The following LRRC3B variants were observed in gnomAD, a reference collection of about 807,000 sequenced individuals.
LRRC3B encodes leucine-rich repeat-containing protein 3B.
In LRRC3B, 2 loss-of-function variants were observed where a neutral mutation model predicts 12.8. The ratio of observed to expected loss-of-function variants is 0.16; its 90% confidence interval spans 0.06 to 0.49. LRRC3B has a LOEUF of 0.49. LRRC3B is among the 20% of genes least tolerant of loss of function. The pLI, the probability that LRRC3B is intolerant of heterozygous loss-of-function variation, is 0.96. For synonymous variants in LRRC3B, 132 were observed against 122.0 expected (o/e 1.08, Z -0.54); for missense variants, 189 against 319.4 (o/e 0.59, Z 3.11).
intron 1 of LRRC3B, among the ~76,000 whole-genome samples, chr3:26,666,007 T>C (rs1379802319): frequency 6.6e-6 from 1 of 152,198 alleles, no homozygotes; most frequent in African/African-American, 2.4e-5. Flanking sequence ...CTATATCCCA[T>C]CTTCATTAAT....
intron 1 of LRRC3B, among the ~76,000 whole-genome samples, chr3:26,638,931 G>T (rs773359246): frequency 6.6e-5 from 10 of 152,190 alleles, no homozygotes; most frequent in Non-Finnish European, 1.3e-4. Flanking sequence ...GGGCTCATCA[G>T]CTACCCTGAA....
intron 1 of LRRC3B, among the ~76,000 whole-genome samples, chr3:26,682,666 T>G (rs1419315692): frequency 6.6e-6 from 1 of 152,146 alleles, no homozygotes; most frequent in Non-Finnish European, 1.5e-5. Context: ...CTCCTTTTGG[T>G]GGGGCTGTCA....
chr3:26,654,125 T>C (rs1229536279), intron 1 of LRRC3B, among the ~76,000 whole-genome samples: 3 of 152,214 alleles, frequency 2.0e-5, no homozygotes, highest in Non-Finnish European at 4.4e-5. Flanking sequence ...TGATTTAAAA[T>C]CTGTCAGAGA....
intron 1 of LRRC3B, among the ~76,000 whole-genome samples, chr3:26,661,656 C>T (rs753582964): frequency 6.6e-6 from 1 of 152,022 alleles, no homozygotes; most frequent in Admixed American, 6.6e-5. Context: ...TTATGTCTTC[C>T]CCATTCTTTC....
chr3:26,644,084 AAAAC>A (rs1156875991), intron 1 of LRRC3B, among the ~76,000 whole-genome samples: 15 of 152,254 alleles, frequency 9.9e-5, no homozygotes, highest in Admixed American at 9.8e-4. Flanking sequence ...TTAGAAAAAT[AAAAC>A]AAGCATAACA....
intron 1 of LRRC3B, among the ~76,000 whole-genome samples, chr3:26,703,204 C>G (rs1271951553): frequency 2.6e-5 from 4 of 152,108 alleles, no homozygotes; most frequent in African/African-American, 9.7e-5. Context: ...GCAACCCACA[C>G]TTATTTTATG....
intron 1 of LRRC3B, among the ~76,000 whole-genome samples, chr3:26,676,975 T>C (rs1699872995): frequency 6.6e-6 from 1 of 150,900 alleles, no homozygotes; most frequent in Non-Finnish European, 1.5e-5. Context: ...ACTTCCAAAA[T>C]CACAATATAA....
chr3:26,706,665 G>A (rs1287430452), intron 1 of LRRC3B, among the ~76,000 whole-genome samples: 1 of 152,114 alleles, frequency 6.6e-6, no homozygotes, highest in African/African-American at 2.4e-5. Flanking sequence ...TTTCTTATAT[G>A]TGACCATGAC....
rs980604211 is a variant in LRRC3B, at chr3:26,693,943, A to G, written c.-160-15570A>G. 4.6e-5 allele frequency among the ~76,000 whole-genome samples: 7 copies of G among 152,324 alleles called. No homozygotes were observed. In the South Asian group the frequency reaches 1.2e-3, roughly 27 times the overall value. On this transcript the variant is annotated intron_variant, in intron 1 of 1. Coordinates refer to ENST00000396641, the Ensembl canonical transcript of LRRC3B. ...AAGTATGTCTAGTTTAAGTCCAGGG[A>G]CATTTCTTTAATAAAACAAAAAATA...
chr3:26,708,017 CA>C (rs562734763), intron 1 of LRRC3B, among the ~76,000 whole-genome samples: 24 of 152,326 alleles, frequency 1.6e-4, no homozygotes, highest in Non-Finnish European at 2.8e-4. Context: ...CCATGATTAA[CA>C]ATCCAGATCA....
rs141290586 is a variant in LRRC3B at position 26,685,964 on chromosome 3, A to G, written c.-160-23549A>G. Among the ~76,000 whole-genome samples, 767 of 152,262 alleles carry G rather than the reference A, an allele frequency of 5.0e-3. 33 individuals carry two copies. Among genetic ancestry groups the G allele is most frequent in the Admixed American group, 0.043 (661 of 15,282 alleles). ...GCAGTAGCTACCTCAGATAGGAAATACCAAGTTCTTAGGCTTAGTTAAAAA... is the reference window on the plus strand; with the variant it reads ...GCAGTAGCTACCTCAGATAGGAAATGCCAAGTTCTTAGGCTTAGTTAAAAA... On this transcript the variant is annotated intron_variant, in intron 1 of 1. Transcript: ENST00000396641.
intron 1 of LRRC3B, among the ~76,000 whole-genome samples, chr3:26,669,786 G>A (rs1440649749): frequency 1.3e-5 from 2 of 152,256 alleles, no homozygotes; most frequent in East Asian, 3.9e-4. Flanking sequence ...ATTTCCATAA[G>A]TGGCATGTGC....
At chr3:26,652,271 T>C (rs750294054) in intron 1 of LRRC3B, among the ~76,000 whole-genome samples, 1 of 152,234 alleles carries the variant, frequency 6.6e-6, no homozygotes, top group African/African-American at 2.4e-5. Context: ...TCCCTGAGAC[T>C]GGGAGGGAAG....
At chr3:26,651,381 G>A (rs1369970031) in intron 1 of LRRC3B, among the ~76,000 whole-genome samples, 1 of 152,062 alleles carries the variant, frequency 6.6e-6, no homozygotes, top group Non-Finnish European at 1.5e-5. Flanking sequence ...ACCACAGTTT[G>A]TTTTTCTTCC....
intron 1 of LRRC3B, among the ~76,000 whole-genome samples, chr3:26,660,434 G>A (rs955334863): frequency 1.3e-5 from 2 of 152,016 alleles, no homozygotes; most frequent in Admixed American, 6.6e-5. Context: ...ATTATCAAAT[G>A]CAAACTAGAA....
At chr3:26,708,272 A>AC (rs1233666138) in intron 1 of LRRC3B, among the ~76,000 whole-genome samples, 3 of 152,196 alleles carry the variant, frequency 2.0e-5, no homozygotes, top group Non-Finnish European at 2.9e-5. Flanking sequence ...ATGCAGAGGG[A>AC]CCCCTCACTT....
chr3:26,667,731 CT>C (rs1699636880), intron 1 of LRRC3B, among the ~76,000 whole-genome samples: 1 of 152,122 alleles, frequency 6.6e-6, no homozygotes, highest in Non-Finnish European at 1.5e-5. Flanking sequence ...CACATGGGAA[CT>C]TACTAAAAGA....
At position 26,668,031 on chromosome 3, in the gene LRRC3B, G is replaced by A. The variant is rs944165195; in HGVS notation, c.-160-41482G>A. Among the ~76,000 whole-genome samples the A allele has an allele frequency of 5.9e-5, 9 of 152,112 alleles. No homozygotes were observed. In the East Asian group the frequency reaches 1.2e-3, roughly 20 times the overall value. On this transcript the variant is annotated intron_variant, in intron 1 of 1. Coordinates refer to ENST00000396641, the Ensembl canonical transcript of LRRC3B. ...TGCCATTAATTTTTGCATAAGTAAT[G>A]TTTTGGACATATAATTTTCAGAGTA...
intron 1 of LRRC3B, among the ~76,000 whole-genome samples, chr3:26,670,566 C>T (rs976646675): frequency 1.3e-5 from 2 of 152,128 alleles, no homozygotes; most frequent in African/African-American, 4.8e-5. Context: ...ACCACATGCT[C>T]TATAAAAATG....
Sources: gnomAD v4.1 joint callset for allele counts (sites outside exome capture counted in the v4.1 genomes callset) on GRCh38, gnomAD v4.1.1 for gene constraint, MANE v1.5 for transcripts, NCBI Gene and HGNC (gene_info 2026-07-23, HGNC 2026-07-21) for gene names.